Variants in DOCK7 observed in about 807,000 individuals in gnomAD.
The protein encoded by DOCK7 is dedicator of cytokinesis 7.
DOCK7 carries 138 observed loss-of-function variants against 271.0 expected under a neutral mutation model. The ratio of observed to expected loss-of-function variants is 0.51; its 90% CI spans 0.44 to 0.59. The LOEUF is 0.59. Among genes scored for constraint, DOCK7 ranks in the 20% least tolerant of loss-of-function variants. The pLI, the probability that DOCK7 is intolerant of heterozygous loss-of-function variation, is 0.00. For synonymous variants in DOCK7, 823 were observed against 876.1 expected (o/e 0.94, Z 1.07); for missense variants, 2,066 against 2,592.4 (o/e 0.80, Z 4.41).
At position 62,633,505 on chromosome 1, in the gene DOCK7, G is replaced by C. The variant is rs1269386387; in HGVS notation, c.1109C>G (p.Ala370Gly). 2 of 1,607,446 alleles carry C rather than the reference G, an allele frequency of 1.2e-6. No homozygotes were observed. The highest frequency in any genetic ancestry group is 2.7e-5 in the African/African-American group (2 of 74,728). Reference sequence around the variant, plus strand: ...AGAAGCATAACATTCTACCTTGGTGGCATCTGCTTCTTTGAAAATCATATA... The same window carrying C: ...AGAAGCATAACATTCTACCTTGGTGCCATCTGCTTCTTTGAAAATCATATA... ...EPYMIFKEAD[A>G]TKNKEKLEKL... Residue 370 changes from alanine to glycine, a missense_variant, in exon 10 of 50, where the codon GCC (alanine) becomes GGC (glycine). Ala to Gly is a moderately conservative substitution (Grantham distance 60). Around this residue, in one of 2 missense-constraint regions of DOCK7, gnomAD observed 1,414 missense variants for 1,670.4 expected, o/e 0.85. Coordinates refer to ENST00000635253, the MANE Select transcript of DOCK7 (RefSeq NM_001367561.1).
intron 16 of DOCK7, among the ~76,000 whole-genome samples, 153 bp from the exon 17 acceptor site, chr1:62,579,119 CTAAA>C (rs1647032715): frequency 6.6e-6 from 1 of 152,050 alleles, no homozygotes; most frequent in Admixed American, 6.5e-5. Context: ...CTCTAAATAA[CTAAA>C]TCTTACTTCC....
Position 62,542,605 on chromosome 1 carries a change from C to A in DOCK7, c.3045+3G>T. 1 of 1,605,798 alleles carries A rather than the reference C, an allele frequency of 6.2e-7. No homozygotes were observed. Among genetic ancestry groups the A allele is most frequent in the South Asian group, 1.1e-5 (1 of 88,734 alleles). On this transcript the variant is annotated splice_donor_region_variant and intron_variant, in intron 25 of 49. Transcript: ENST00000635253. ...TTAAAGAACATGCTCAGTTTTTGCTCACCATTAATTCAAAAAAGAACCAGG... is the reference window on the plus strand; with the variant it reads ...TTAAAGAACATGCTCAGTTTTTGCTAACCATTAATTCAAAAAAGAACCAGG...
At chr1:62,562,973 T>C (rs1030021419) in intron 18 of DOCK7, among the ~76,000 whole-genome samples, 4 of 152,078 alleles carry the variant, frequency 2.6e-5, no homozygotes, top group African/African-American at 9.7e-5. Context: ...TCTCCCCAAC[T>C]CATGCTACAC....
chr1:62,491,754 G>A (rs1571277820), intron 41 of DOCK7, among the ~76,000 whole-genome samples: 2 of 152,202 alleles, frequency 1.3e-5, no homozygotes, highest in Non-Finnish European at 2.9e-5. Context: ...ATAGAGCCCT[G>A]TCAGTCTACC....
intron 7 of DOCK7, among the ~76,000 whole-genome samples, chr1:62,645,225 C>T (rs1043259319): frequency 2.6e-5 from 4 of 151,964 alleles, no homozygotes; most frequent in East Asian, 1.9e-4. Context: ...AATGAAAACA[C>T]GTGTCCCACA....
At chr1:62,552,249 G>A (rs1476304967) in intron 22 of DOCK7, among the ~76,000 whole-genome samples, 1 of 152,112 alleles carries the variant, frequency 6.6e-6, no homozygotes, top group Admixed American at 6.5e-5. Flanking sequence ...TTTCGCAGCT[G>A]CCATAGTACT....
chr1:62,551,353 A>AC (rs1645899029), intron 22 of DOCK7, among the ~76,000 whole-genome samples: 2 of 150,462 alleles, frequency 1.3e-5, no homozygotes, highest in Admixed American at 6.6e-5. Context: ...TGAACTTACA[A>AC]AAAAAAAAAA....
chr1:62,553,350 ATATATTTTTTTTTTTTTTTTTTTT>A (rs1481455650), intron 21 of DOCK7, among the ~76,000 whole-genome samples: 69 of 14,872 alleles, frequency 4.6e-3, no homozygotes, highest in African/African-American at 0.015. Flanking sequence ...ATATATATAT[ATATATTTTTTTTTTTTTTTTTTTT>A]TTTTTTTTTT....
At chr1:62,598,815 G>A (rs773477831) in intron 14 of DOCK7, 4 of 1,485,876 alleles carry the variant, frequency 2.7e-6, no homozygotes. Context: ...AGGTAAGTCA[G>A]TATTTTAATG....
chr1:62,502,135 CTTTTT>C (rs1334494633), intron 37 of DOCK7, among the ~76,000 whole-genome samples: 2 of 151,628 alleles, frequency 1.3e-5, no homozygotes, highest in Non-Finnish European at 2.9e-5. Context: ...ATATTGTTGA[CTTTTT>C]TTATTTTCAG....
At chr1:62,530,035 G>T (rs1324492669) in intron 29 of DOCK7, among the ~76,000 whole-genome samples, 1 of 151,984 alleles carries the variant, frequency 6.6e-6, no homozygotes, top group Non-Finnish European at 1.5e-5. Flanking sequence ...CACTAACAAG[G>T]GTCACTTTCA....
At position 62,457,663 on chromosome 1, in the gene DOCK7, C is replaced by T. The variant is rs35747851; in HGVS notation, c.6255G>A (p.Pro2085=). The T allele has an allele frequency of 3.6e-3, 5,822 of 1,613,976 alleles. 166 individuals carry two copies. In the African/African-American group the frequency reaches 0.065, roughly 18 times the overall value. The change falls in exon 49 of 50, where the codon CCG becomes CCA. Residue 2085 remains proline, a synonymous_variant. Coordinates refer to ENST00000635253, the MANE Select transcript of DOCK7 (RefSeq NM_001367561.1). ...ALRKNKSLIG[P]DQKEYQRELE... is the part of the protein sequence containing the mutation. ...GTTCCCTTTGATACTCCTTTTGATCCGGCCCAATTAAGCTCTTATTTTTTC... is the reference window on the plus strand; with the variant it reads ...GTTCCCTTTGATACTCCTTTTGATCTGGCCCAATTAAGCTCTTATTTTTTC...
At chr1:62,601,227 A>G in intron 14 of DOCK7, 1 of 1,390,904 alleles carries the variant, frequency 7.2e-7, no homozygotes, top group Non-Finnish European at 1.0e-6. Context: ...TCCTTCTTGA[A>G]GCTATTATTA....
chr1:62,569,400 G>A (rs1328064622), intron 18 of DOCK7, among the ~76,000 whole-genome samples: 3 of 151,892 alleles, frequency 2.0e-5, no homozygotes, highest in African/African-American at 7.3e-5. Context: ...TGATCAAGTA[G>A]GCTTCAACCC....
At chr1:62,496,301 C>T (rs760428715) in intron 38 of DOCK7, 38 bp downstream of exon 38, 12 of 1,599,838 alleles carry the variant, frequency 7.5e-6, no homozygotes, top group Non-Finnish European at 7.7e-6. Context: ...TTTAACAAGC[C>T]TATTTCAATT....
intron 7 of DOCK7, among the ~76,000 whole-genome samples, chr1:62,641,963 T>C (rs184117997): frequency 6.6e-6 from 1 of 152,302 alleles, no homozygotes; most frequent in African/African-American, 2.4e-5. Flanking sequence ...ATGGATTGCC[T>C]GTTCTTTAAT....
At position 62,503,666 on chromosome 1, in the gene DOCK7, C is replaced by A. The variant is rs181378356; in HGVS notation, c.4764+964G>T. ...ATGTCACTCAGGCTGGCCTCAAACT[C>A]CTGGCCTCAAGCAATCTTCCTTCCT... On this transcript the variant is annotated intron_variant, in intron 37 of 49. Transcript: ENST00000635253. Among the ~76,000 whole-genome samples the A allele has an allele frequency of 2.1e-3, 315 of 152,152 alleles. 2 individuals are homozygous for A. Among genetic ancestry groups the A allele is most frequent in the African/African-American group, 7.2e-3 (300 of 41,536 alleles).
intron 1 of DOCK7, among the ~76,000 whole-genome samples, chr1:62,670,384 A>C (rs1271707056): frequency 1.3e-5 from 2 of 151,782 alleles, no homozygotes; most frequent in African/African-American, 4.8e-5. Context: ...GAGTCTTTAT[A>C]TCTAGCTCAG....
chr1:62,496,865 T>C (rs1646638175), intron 37 of DOCK7, among the ~76,000 whole-genome samples: 1 of 152,144 alleles, frequency 6.6e-6, no homozygotes, highest in South Asian at 2.1e-4. Flanking sequence ...AGTATTTAAA[T>C]TCTAGTCCAT....
Sources: allele counts gnomAD v4.1 joint callset (sites outside exome capture counted in the v4.1 genomes callset), GRCh38; gene constraint gnomAD v4.1.1; regional missense constraint gnomAD v4.1.1; transcripts MANE v1.5; gene names NCBI Gene and HGNC (gene_info 2026-07-23, HGNC 2026-07-21).